The following PHACTR2 variants were observed in gnomAD, a reference collection of about 807,000 sequenced individuals.
PHACTR2 encodes phosphatase and actin regulator 2.
In PHACTR2, 30 loss-of-function variants were observed where a neutral mutation model predicts 76.0. The ratio of observed to expected loss-of-function variants is 0.39; its 90% CI spans 0.30 to 0.54. The LOEUF is 0.54. Ranked by LOEUF, PHACTR2 falls within the 20% of genes least tolerant of loss-of-function variation. The pLI, the probability that PHACTR2 is intolerant of heterozygous loss-of-function variation, is 0.61. For synonymous variants in PHACTR2, 292 were observed against 292.5 expected, an observed-to-expected ratio of 1.00 and a Z score of 0.02; for missense variants, 696 against 781.1, an observed-to-expected ratio of 0.89 and a Z score of 1.30.
Position 143,822,600 on chromosome 6 carries a change from A to G in PHACTR2, c.1923-1074A>G, listed in dbSNP as rs186371601. 6.6e-6 allele frequency among the ~76,000 whole-genome samples: 1 copy of G among 152,330 alleles called. No homozygotes were observed. Among genetic ancestry groups the G allele is most frequent in the Admixed American group, 6.5e-5 (1 of 15,300 alleles). ...AGCAACAGTGAGGAGCATAGATTTG[A>G]TGGAGAGAGCCTGGGACAGGGAAAC... is the stretch of plus-strand genomic sequence containing the variant. On this transcript the variant is annotated intron_variant, in intron 12 of 12. Coordinates refer to ENST00000440869, the MANE Select transcript of PHACTR2 (RefSeq NM_001100164.2). The surrounding 1 kb of genome is among the most constrained non-coding windows in gnomAD (Gnocchi z 5.5).
chr6:143,747,661 T>C (rs1779095852), intron 2 of PHACTR2, among the ~76,000 whole-genome samples: 1 of 152,212 alleles, frequency 6.6e-6, no homozygotes, highest in Non-Finnish European at 1.5e-5. Flanking sequence ...CTGCATGTTG[T>C]CTACCAGTGT....
chr6:143,600,543 A>G (rs1024414500), intron 1 of PHACTR2, among the ~76,000 whole-genome samples: 1 of 152,260 alleles, frequency 6.6e-6, no homozygotes, highest in African/African-American at 2.4e-5. Flanking sequence ...GAGCTAAATA[A>G]TGGTAAGCAT....
At chr6:143,736,554 ATTTTTTTTTTTTTTTTTTTTTTT>A (rs776969170) in intron 2 of PHACTR2, among the ~76,000 whole-genome samples, 14 of 56,948 alleles carry the variant, frequency 2.5e-4, no homozygotes, top group African/African-American at 9.1e-4. Context: ...ACCCTTTACA[ATTTTTTTTTTTTTTTTTTTTTTT>A]TTTTTTTTTT....
chr6:143,814,813 A>G (rs1008469206), intron 12 of PHACTR2, among the ~76,000 whole-genome samples: 3 of 152,034 alleles, frequency 2.0e-5, no homozygotes, highest in African/African-American at 7.2e-5. Flanking sequence ...CGTGTTAGCC[A>G]GGATGGTCCC....
At chr6:143,736,543 A>G (rs1440774496) in intron 2 of PHACTR2, among the ~76,000 whole-genome samples, 2 of 145,488 alleles carry the variant, frequency 1.4e-5, no homozygotes, top group Admixed American at 1.4e-4. Context: ...ATTTATGCCA[A>G]ACCCTTTACA....
chr6:143,613,096 C>T (rs1776006357), intron 1 of PHACTR2, among the ~76,000 whole-genome samples: 1 of 152,250 alleles, frequency 6.6e-6, no homozygotes, highest in South Asian at 2.1e-4. Flanking sequence ...CTGGCCTCAG[C>T]CTCCCGAGTA....
Position 143,672,255 on chromosome 6 carries a change from A to G in PHACTR2, c.14-39761A>G, listed in dbSNP as rs1376710018. ...CTTATTCTTCAAAAAGCTGCAAGCA[A>G]GCCTGGGCAATATAGTGAGACCCTA... On this transcript the variant is annotated intron_variant, in intron 1 of 11. Coordinates refer to the PHACTR2 transcript ENST00000305766. The surrounding 1 kb of genome is among the most constrained non-coding windows in gnomAD (Gnocchi z 5.8). Among the ~76,000 whole-genome samples the G allele has an allele frequency of 6.6e-6, 1 of 151,980 alleles. No homozygotes were observed. Among genetic ancestry groups the G allele is most frequent in the African/African-American group, 2.4e-5 (1 of 41,332 alleles).
chr6:143,756,715 AG>A (rs1779308701), intron 4 of PHACTR2, among the ~76,000 whole-genome samples: 1 of 138,808 alleles, frequency 7.2e-6, no homozygotes, highest in Non-Finnish European at 1.6e-5. Flanking sequence ...AAAAAAAAAA[AG>A]AGCAGAAAAA....
In PHACTR2 at chr6:143,570,553, G is replaced by T. The variant is rs905880094; in HGVS notation, c.217+33346G>T. 6.6e-6 allele frequency among the ~76,000 whole-genome samples: 1 copy of T among 152,130 alleles called. No homozygotes were observed. Among genetic ancestry groups the T allele is most frequent in the African/African-American group, 2.4e-5 (1 of 41,412 alleles). ...CGATTGGCAGTTTTGTGCCTTTTCA[G>T]TTCAGCTCCCAGAGCTGGTCCTGAT... On this transcript the variant is annotated intron_variant, in intron 1 of 11. Transcript: ENST00000367584. This position sits in a 1 kb window ranked among gnomAD's most constrained non-coding sequence, Gnocchi z 4.6.
chr6:143,699,121 T>C (rs1245304871), intron 1 of PHACTR2, among the ~76,000 whole-genome samples: 1 of 152,200 alleles, frequency 6.6e-6, no homozygotes, highest in Non-Finnish European at 1.5e-5. Context: ...TGCTGTCATC[T>C]CCTGACTTCC....
At chr6:143,719,245 C>T (rs1778382318) in intron 2 of PHACTR2, among the ~76,000 whole-genome samples, 1 of 148,736 alleles carries the variant, frequency 6.7e-6, no homozygotes, top group Non-Finnish European at 1.5e-5. Context: ...AGGAATCTTT[C>T]CTTTTTCCTA....
chr6:143,757,944 T>C lies in PHACTR2; in HGVS notation c.455-2457T>C, dbSNP rs3748074. ...GCATACTCATATGTCCCTGCGTGTG[T>C]GTGCATGCACACGTGCGCGCACACA... On this transcript the variant is annotated intron_variant, in intron 4 of 12. Coordinates refer to ENST00000440869, the MANE Select transcript of PHACTR2 (RefSeq NM_001100164.2). This position sits in a 1 kb window ranked among gnomAD's most constrained non-coding sequence, Gnocchi z 4.2. 0.68 allele frequency among the ~76,000 whole-genome samples: 102,720 copies of C among 151,474 alleles called. 34,976 individuals are homozygous for C. The highest frequency in any genetic ancestry group is 0.74 in the African/African-American group (30,547 of 41,320).
intron 2 of PHACTR2, among the ~76,000 whole-genome samples, chr6:143,728,044 T>G (rs1347717047): frequency 6.3e-5 from 1 of 15,816 alleles, no homozygotes; most frequent in Non-Finnish European, 1.2e-4. Context: ...AAAGACAAAC[T>G]GCAGATGACA....
intron 6 of PHACTR2, among the ~76,000 whole-genome samples, chr6:143,770,924 TC>T (rs1235084857): frequency 2.5e-5 from 3 of 121,954 alleles, no homozygotes; most frequent in African/African-American, 9.0e-5. Flanking sequence ...TTTCTTTCTT[TC>T]TTTTTTTTTT....
At chr6:143,605,955 A>G (rs1035587811), upstream of PHACTR2, among the ~76,000 whole-genome samples, 24 of 152,194 alleles carry the variant, frequency 1.6e-4, no homozygotes, top group African/African-American at 5.8e-4. This position sits in a 1 kb window ranked among gnomAD's most constrained non-coding sequence, Gnocchi z 5.0. Flanking sequence ...CATCACCACA[A>G]ATACTTGTCA....
At chr6:143,576,069 A>G (rs9321923) in intron 1 of PHACTR2, among the ~76,000 whole-genome samples, 93,389 of 152,168 alleles carry the variant, frequency 0.61, 29,003 homozygotes, top group Middle Eastern at 0.72. Context: ...CAGAACTAAC[A>G]TAGATGTTAT....
At chr6:143,634,277 A>G (rs544960826) in intron 1 of PHACTR2, among the ~76,000 whole-genome samples, 25 of 152,260 alleles carry the variant, frequency 1.6e-4, no homozygotes, top group Middle Eastern at 3.2e-3. Flanking sequence ...GGAAAGTTAC[A>G]TCTTAAGAAT....
intron 1 of PHACTR2, among the ~76,000 whole-genome samples, chr6:143,705,026 CTG>C (rs1379982389): frequency 6.6e-6 from 1 of 151,962 alleles, no homozygotes; most frequent in Non-Finnish European, 1.5e-5. Context: ...CAGGGTTTCA[CTG>C]TGTTAGCCAG....
chr6:143,582,826 C>T (rs946067800), intron 1 of PHACTR2, among the ~76,000 whole-genome samples: 6 of 151,976 alleles, frequency 3.9e-5, no homozygotes, highest in African/African-American at 1.2e-4. Context: ...TAAGTAGGTA[C>T]GTGATGTATT....
Sources: allele counts gnomAD v4.1 joint callset (sites outside exome capture counted in the v4.1 genomes callset), GRCh38; gene constraint gnomAD v4.1.1; non-coding constraint Gnocchi (gnomAD v3.1); transcripts MANE v1.5; gene names NCBI Gene and HGNC (gene_info 2026-07-23, HGNC 2026-07-21).